Variants in BMERB1 observed in about 807,000 individuals in gnomAD.
BMERB1 encodes the protein bMERB domain containing 1, also known as bMERB domain-containing protein 1.
In BMERB1, 12 loss-of-function variants were observed where a neutral mutation model predicts 23.6. The ratio of observed to expected loss-of-function variants is 0.51; its 90% confidence interval spans 0.33 to 0.82. The LOEUF is 0.82. Ranked by LOEUF, BMERB1 falls within the 40% of genes least tolerant of loss-of-function variation. BMERB1 has a pLI of 0.03. For missense variants in BMERB1, 247 were observed against 255.4 expected (o/e 0.97, Z 0.22); for synonymous variants, 122 against 96.6 (o/e 1.26, Z -1.54).
intron 1 of BMERB1, among the ~76,000 whole-genome samples, chr16:15,463,573 G>A (rs987911619): frequency 4.6e-5 from 7 of 152,110 alleles, no homozygotes; most frequent in Non-Finnish European, 8.8e-5. Flanking sequence ...GACTGCTGAG[G>A]TCTTACTCAC....
At chr16:15,451,668 C>G (rs1027397746) in intron 1 of BMERB1, among the ~76,000 whole-genome samples, 4 of 148,642 alleles carry the variant, frequency 2.7e-5, no homozygotes, top group Admixed American at 6.9e-5. Context: ...AAGCGATTCT[C>G]CCACCTCAGT....
chr16:15,493,459 T>C (rs183199654), intron 1 of BMERB1, among the ~76,000 whole-genome samples: 12 of 152,286 alleles, frequency 7.9e-5, no homozygotes, highest in African/African-American at 2.6e-4. Context: ...CATTTTAATC[T>C]TTTTTTAAAT....
At chr16:15,569,383 C>G (rs879702929) in intron 3 of BMERB1, among the ~76,000 whole-genome samples, 1 of 152,048 alleles carries the variant, frequency 6.6e-6, no homozygotes, top group Non-Finnish European at 1.5e-5. Context: ...ATGTCACGTG[C>G]CCAGAGCAGG....
Position 15,500,950 on chromosome 16 carries a change from C to A in BMERB1, c.107-14355C>A, listed in dbSNP as rs149216270. Among the ~76,000 whole-genome samples the A allele has an allele frequency of 3.3e-3, 505 of 152,238 alleles. 3 individuals are homozygous for A. The highest frequency in any genetic ancestry group is 0.011 in the African/African-American group (463 of 41,530). Reference sequence around the variant, plus strand: ...TACAGGCGTGAGCCACCGTGCCTGGCCTGAATTGAGATCTATTTAAAGGGT... The same window carrying A: ...TACAGGCGTGAGCCACCGTGCCTGGACTGAATTGAGATCTATTTAAAGGGT... On this transcript the variant is annotated intron_variant, in intron 1 of 5. Transcript: ENST00000300006.
intron 2 of BMERB1, among the ~76,000 whole-genome samples, chr16:15,533,705 C>G (rs1452780112): frequency 6.6e-6 from 1 of 152,122 alleles, no homozygotes; most frequent in Non-Finnish European, 1.5e-5. Flanking sequence ...GCAGAGAAAG[C>G]CAGTCTTTGA....
intron 3 of BMERB1, among the ~76,000 whole-genome samples, chr16:15,580,072 C>G (rs916914479): frequency 6.6e-6 from 1 of 151,968 alleles, no homozygotes; most frequent in Non-Finnish European, 1.5e-5. Context: ...GCTCTCCCTC[C>G]CCACACTCAC....
intron 1 of BMERB1, among the ~76,000 whole-genome samples, chr16:15,485,462 A>G (rs988422546): frequency 2.0e-5 from 3 of 152,214 alleles, no homozygotes; most frequent in African/African-American, 4.8e-5. Context: ...TGAGAAACCA[A>G]TACTTTCTTT....
At chr16:15,563,077 CA>C (rs1430061198) in intron 2 of BMERB1, among the ~76,000 whole-genome samples, 1 of 152,116 alleles carries the variant, frequency 6.6e-6, no homozygotes, top group African/African-American at 2.4e-5. Context: ...TCTGTTCTCG[CA>C]TTTCTATAAA....
chr16:15,454,352 C>T (rs1216993655), intron 1 of BMERB1, among the ~76,000 whole-genome samples: 3 of 152,286 alleles, frequency 2.0e-5, no homozygotes, highest in South Asian at 2.1e-4. Flanking sequence ...GGAAGGAAAC[C>T]GAGGCAGTGT....
intron 1 of BMERB1, among the ~76,000 whole-genome samples, chr16:15,476,863 A>C (rs2051279103): frequency 6.6e-6 from 1 of 152,166 alleles, no homozygotes; most frequent in Non-Finnish European, 1.5e-5. Context: ...GGGGAATCAG[A>C]GCATCACCAC....
intron 4 of BMERB1, among the ~76,000 whole-genome samples, chr16:15,581,909 C>A (rs1399031034): frequency 2.0e-5 from 3 of 152,242 alleles, no homozygotes; most frequent in Non-Finnish European, 4.4e-5. Context: ...TGTTTCCTTA[C>A]ACCAGAGCAA....
chr16:15,477,361 C>T (rs1039599385), intron 1 of BMERB1, among the ~76,000 whole-genome samples: 1 of 152,192 alleles, frequency 6.6e-6, no homozygotes, highest in South Asian at 2.1e-4. Flanking sequence ...TCCACCTGGT[C>T]CCGCCCTTGA....
chr16:15,510,928 C>CT (rs2051656585), intron 1 of BMERB1, among the ~76,000 whole-genome samples: 1 of 152,134 alleles, frequency 6.6e-6, no homozygotes. Flanking sequence ...TCTCGAACTC[C>CT]TGACCTCAGG....
At chr16:15,476,005 T>G (rs144656571) in intron 1 of BMERB1, among the ~76,000 whole-genome samples, 1,539 of 152,284 alleles carry the variant, frequency 0.01, 18 homozygotes, top group Middle Eastern at 0.017. Context: ...GCTCCCATCC[T>G]GAATCACATC....
chr16:15,482,957 C>T (rs933288802), intron 1 of BMERB1, among the ~76,000 whole-genome samples: 3 of 152,112 alleles, frequency 2.0e-5, no homozygotes, highest in Non-Finnish European at 4.4e-5. Flanking sequence ...CACACACACA[C>T]GCGCGTAAAA....
intron 1 of BMERB1, among the ~76,000 whole-genome samples, chr16:15,501,953 T>C (rs567946648): frequency 3.3e-5 from 5 of 152,324 alleles, no homozygotes; most frequent in African/African-American, 1.2e-4. Flanking sequence ...GTTCCTGGAA[T>C]GTTCAAAATT....
chr16:15,488,689 A>G (rs1226812936), intron 1 of BMERB1, among the ~76,000 whole-genome samples: 2 of 149,068 alleles, frequency 1.3e-5, no homozygotes, highest in African/African-American at 4.9e-5. Flanking sequence ...AAAAAAATAC[A>G]AAAATTAGCT....
intron 1 of BMERB1, among the ~76,000 whole-genome samples, chr16:15,449,263 G>A (rs769731523): frequency 6.6e-6 from 1 of 152,168 alleles, no homozygotes; most frequent in African/African-American, 2.4e-5. Context: ...GCAGCTGGAG[G>A]CCATTATCCT....
At chr16:15,584,770 C>CCAGA (rs1739298201) in intron 5 of BMERB1, among the ~76,000 whole-genome samples, 1 of 152,118 alleles carries the variant, frequency 6.6e-6, no homozygotes, top group South Asian at 2.1e-4. Context: ...CTCCATGGGA[C>CCAGA]CAGAACCCTA....
Sources: allele counts gnomAD v4.1 joint callset (sites outside exome capture counted in the v4.1 genomes callset), GRCh38; gene constraint gnomAD v4.1.1; transcripts MANE v1.5; gene names NCBI Gene and HGNC (gene_info 2026-07-23, HGNC 2026-07-21).